The following TSNARE1 variants were observed in gnomAD, a reference collection of about 807,000 sequenced individuals.
TSNARE1 encodes t-SNARE domain-containing protein 1.
A neutral mutation model predicts 62.0 loss-of-function variants in TSNARE1; 49 were observed. The ratio of observed to expected loss-of-function variants is 0.79; its 90% CI spans 0.63 to 1.00. The LOEUF (loss-of-function observed/expected upper bound fraction) is 1.00, where lower values mean the gene tolerates loss of function less well. Ranked by LOEUF, TSNARE1 falls within the 50% of genes least tolerant of loss-of-function variation. TSNARE1 has a pLI of 0.00. For missense variants in TSNARE1, 755 were observed against 700.1 expected, an observed-to-expected ratio of 1.08 and a Z score of -0.88; for synonymous variants, 328 against 294.4, an observed-to-expected ratio of 1.11 and a Z score of -1.17.
At chr8:142,393,661 C>A (rs778037661) in intron 1 of TSNARE1, among the ~76,000 whole-genome samples, 1 of 152,234 alleles carries the variant, frequency 6.6e-6, no homozygotes. Context: ...GCACCTGCCC[C>A]GTCCACTCCA....
intron 11 of TSNARE1, chr8:142,275,379 C>T: frequency 1.0e-6 from 1 of 985,396 alleles, no homozygotes; most frequent in Non-Finnish European, 1.2e-6. Context: ...GAAAGTTGTG[C>T]TGCCGTGCGG....
chr8:142,255,825 C>T (rs796277272), intron 12 of TSNARE1, among the ~76,000 whole-genome samples: 1,965 of 26,264 alleles, frequency 0.075, 42 homozygotes, highest in South Asian at 0.12. Context: ...TCACCATCAC[C>T]ACCACCACCA....
At chr8:142,360,063 T>C (rs11986502) in intron 1 of TSNARE1, among the ~76,000 whole-genome samples, 152,368 of 152,370 alleles carry the variant, frequency 1, 76,183 homozygotes, top group Middle Eastern at 1. Context: ...GGTGCGGCCT[T>C]GAAGGCCTGG....
intron 12 of TSNARE1, chr8:142,274,247 G>A: frequency 2.0e-6 from 2 of 985,450 alleles, no homozygotes; most frequent in Non-Finnish European, 2.4e-6. Flanking sequence ...ACAGTCTCCA[G>A]CCAGCCTGAC....
At chr8:142,383,183 G>A (rs191473117) in intron 1 of TSNARE1, among the ~76,000 whole-genome samples, 14 of 152,352 alleles carry the variant, frequency 9.2e-5, no homozygotes, top group African/African-American at 3.1e-4. Flanking sequence ...CAGGACCTAA[G>A]GGAGGGGAGA....
intron 1 of TSNARE1, among the ~76,000 whole-genome samples, chr8:142,356,996 G>A (rs1834792335): frequency 6.6e-6 from 1 of 152,046 alleles, no homozygotes; most frequent in African/African-American, 2.4e-5. Context: ...CCAACATTGG[G>A]AGCAGCAGCA....
intron 13 of TSNARE1, among the ~76,000 whole-genome samples, chr8:142,220,495 G>T (rs1160312038): frequency 6.6e-6 from 1 of 152,084 alleles, no homozygotes; most frequent in Non-Finnish European, 1.5e-5. Context: ...ACCTCGGGGA[G>T]CCTCTCACAC....
chr8:142,249,166 A>G (rs921403225), intron 12 of TSNARE1, among the ~76,000 whole-genome samples: 3 of 152,218 alleles, frequency 2.0e-5, no homozygotes, highest in Non-Finnish European at 2.9e-5. Context: ...CTTGACCCCA[A>G]TTTATAACAT....
intron 4 of TSNARE1, among the ~76,000 whole-genome samples, chr8:142,341,395 GAGGAGTAAAGCGC>G (rs1832566544): frequency 6.6e-6 from 1 of 152,252 alleles, no homozygotes; most frequent in Admixed American, 6.5e-5. Flanking sequence ...TGAGCATGGA[GAGGAGTAAAGCGC>G]AGGCAGTGGT....
At chr8:142,393,368 C>T (rs935333644) in intron 1 of TSNARE1, among the ~76,000 whole-genome samples, 4 of 152,184 alleles carry the variant, frequency 2.6e-5, no homozygotes, top group Admixed American at 1.3e-4. Context: ...TTCGCTGAAA[C>T]GGGCACCGAC....
chr8:142,336,812 C>T (rs1004162044), intron 4 of TSNARE1, among the ~76,000 whole-genome samples: 2 of 152,142 alleles, frequency 1.3e-5, no homozygotes, highest in South Asian at 2.1e-4. Context: ...TGAAATCATA[C>T]AAAATACATT....
At chr8:142,274,317 C>T (rs953700994) in intron 12 of TSNARE1, 5 of 985,312 alleles carry the variant, frequency 5.1e-6, no homozygotes, top group Non-Finnish European at 6.0e-6. Context: ...GTGGCTAGTC[C>T]TCAAGGTAGC....
chr8:142,366,287 C>T (rs538014221), intron 1 of TSNARE1, among the ~76,000 whole-genome samples: 217 of 152,210 alleles, frequency 1.4e-3, no homozygotes, highest in African/African-American at 4.8e-3. Context: ...CTGCCTGTCT[C>T]GGCCTCCCAA....
At chr8:142,391,425 C>T (rs949579327) in intron 1 of TSNARE1, among the ~76,000 whole-genome samples, 1 of 152,174 alleles carries the variant, frequency 6.6e-6, no homozygotes, top group South Asian at 2.1e-4. Context: ...GTAACAGACG[C>T]TGTACACTGC....
Position 142,239,396 on chromosome 8 carries a change from G to A in TSNARE1, c.1447-9817C>T, listed in dbSNP as rs189613924. Among the ~76,000 whole-genome samples the A allele has an allele frequency of 3.4e-3, 511 of 152,350 alleles. 2 individuals carry two copies. Among genetic ancestry groups the A allele is most frequent in the African/African-American group, 0.012 (488 of 41,578 alleles). On this transcript the variant is annotated intron_variant, in intron 12 of 13. Transcript: ENST00000524325. ...ACCGGTAACAATAGCATGGAAGTTG[G>A]AAGGGAGTAATCAGAGCTCAAGCGT... is the stretch of plus-strand genomic sequence containing the variant.
intron 7 of TSNARE1, among the ~76,000 whole-genome samples, chr8:142,316,540 C>T (rs925631509): frequency 1.1e-4 from 16 of 151,690 alleles, no homozygotes; most frequent in African/African-American, 3.9e-4. Context: ...AAAATCTACC[C>T]GCTTTAAGTG....
rs956659765 is a variant in TSNARE1 at position 142,319,728 on chromosome 8, G to A, written c.894-1094C>T. ...CTGCAGGCCAAGCCTACAGGAGCGGGGCCCACCTCCTGATACCCACCCTGG... is the reference window on the plus strand; with the variant it reads ...CTGCAGGCCAAGCCTACAGGAGCGGAGCCCACCTCCTGATACCCACCCTGG... On this transcript the variant is annotated intron_variant, in intron 6 of 13. Coordinates refer to ENST00000524325, the MANE Select transcript of TSNARE1 (RefSeq NM_145003.5). This position sits in a 1 kb window ranked among gnomAD's most constrained non-coding sequence, Gnocchi z 4.9. 6.6e-6 allele frequency among the ~76,000 whole-genome samples: 1 copy of A among 152,134 alleles called. No individual in the cohort carries two copies.
At chr8:142,329,436 C>T (rs76084447) in intron 6 of TSNARE1, among the ~76,000 whole-genome samples, 2,012 of 152,304 alleles carry the variant, frequency 0.013, 42 homozygotes, top group African/African-American at 0.046. Context: ...GGCCAGGGTC[C>T]GGACGTGCCC....
At chr8:142,316,610 C>T (rs1230033569) in intron 7 of TSNARE1, among the ~76,000 whole-genome samples, 3 of 151,796 alleles carry the variant, frequency 2.0e-5, no homozygotes, top group African/African-American at 7.2e-5. Context: ...AGAACATGCC[C>T]ATCACCCCAG....
Sources: gnomAD v4.1 joint callset for allele counts (sites outside exome capture counted in the v4.1 genomes callset) on GRCh38, gnomAD v4.1.1 for gene constraint, Gnocchi (gnomAD v3.1) non-coding constraint, MANE v1.5 for transcripts, NCBI Gene and HGNC (gene_info 2026-07-23, HGNC 2026-07-21) for gene names.